Variants in RANBP17 observed in about 807,000 individuals in gnomAD.
RANBP17 encodes ran-binding protein 17.
Under a neutral mutation model 141.2 loss-of-function variants are expected in RANBP17, and 158 were observed. That is an observed-to-expected ratio of 1.12 (90% CI 0.98 to 1.28). RANBP17 has a LOEUF of 1.28. RANBP17 is among the 50% of genes most tolerant of loss of function. RANBP17 has a pLI of 0.00. For synonymous variants in RANBP17, 430 were observed against 450.0 expected (o/e 0.96, Z 0.56); for missense variants, 1,438 against 1,290.7 (o/e 1.11, Z -1.75).
At chr5:170,958,604 A>G (rs1432689322) in intron 13 of RANBP17, among the ~76,000 whole-genome samples, 1 of 152,188 alleles carries the variant, frequency 6.6e-6, no homozygotes, top group East Asian at 1.9e-4. Context: ...TGTTCCAAAT[A>G]ATTGGAACTA....
At chr5:170,898,301 A>G (rs953984184) in intron 5 of RANBP17, among the ~76,000 whole-genome samples, 3 of 151,976 alleles carry the variant, frequency 2.0e-5, no homozygotes, top group Non-Finnish European at 4.4e-5. Flanking sequence ...GCTTTTTTTC[A>G]TACGGTTGTT....
chr5:170,867,446 T>C (rs538757600), intron 1 of RANBP17, among the ~76,000 whole-genome samples: 1 of 152,222 alleles, frequency 6.6e-6, no homozygotes, highest in East Asian at 1.9e-4. Flanking sequence ...ATAAATATTA[T>C]CTATTTTATT....
chr5:170,992,315 T>A (rs1778561561), intron 14 of RANBP17, among the ~76,000 whole-genome samples: 2 of 152,022 alleles, frequency 1.3e-5, no homozygotes, highest in South Asian at 4.1e-4. Context: ...TAAAATAAAA[T>A]AATAATATTC....
In RANBP17 at chr5:170,919,593, C is replaced by T; in HGVS notation, c.1254C>T (p.Asp418=). ...ITKAFITSRL[D]SVAIVVRDHL... is the part of the protein sequence containing the mutation. ...AGGCCTTTATCACTTCTCGGTTGGACTCTGTTGCCATAGTTGTGAGGTATT... is the reference window on the plus strand; with the variant it reads ...AGGCCTTTATCACTTCTCGGTTGGATTCTGTTGCCATAGTTGTGAGGTATT... The change falls in exon 11 of 28, where the codon GAC becomes GAT. Residue 418 remains aspartate (D), a synonymous_variant. Transcript: ENST00000523189. The T allele has an allele frequency of 6.2e-7, 1 of 1,600,094 alleles. No individual in the cohort carries two copies. The highest frequency in any genetic ancestry group is 1.1e-5 in the South Asian group (1 of 88,246).
intron 14 of RANBP17, among the ~76,000 whole-genome samples, chr5:170,998,901 C>T (rs1779014145): frequency 6.6e-6 from 1 of 152,156 alleles, no homozygotes; most frequent in South Asian, 2.1e-4. Flanking sequence ...TAGATGATCA[C>T]ATTTTAGGAT....
At chr5:170,890,041 T>C (rs1055111236) in intron 3 of RANBP17, among the ~76,000 whole-genome samples, 1 of 152,180 alleles carries the variant, frequency 6.6e-6, no homozygotes, top group African/African-American at 2.4e-5. Context: ...GTACCTTTGT[T>C]TGGGCAATCT....
Position 171,003,742 on chromosome 5 carries a change from G to A in RANBP17, c.1710+35365G>A, listed in dbSNP as rs544062220. Among the ~76,000 whole-genome samples the A allele has an allele frequency of 1.1e-4, 17 of 152,298 alleles. 1 individual carries two copies. The South Asian group carries it at 3.5e-3, about 32-fold the overall frequency. ...AGAAAGAGCTTGGCTGAAGTAATGA[G>A]GGCTGTCCCTGAAGCCTTGCGGCAG... On this transcript the variant is annotated intron_variant, in intron 14 of 27. Transcript: ENST00000523189.
intron 5 of RANBP17, among the ~76,000 whole-genome samples, chr5:170,900,533 G>C (rs1482467237): frequency 6.6e-6 from 1 of 152,070 alleles, no homozygotes; most frequent in Admixed American, 6.5e-5. Flanking sequence ...TCTGATCATA[G>C]TTATTTCTTG....
intron 14 of RANBP17, among the ~76,000 whole-genome samples, chr5:170,983,574 A>T (rs1006860776): frequency 3.9e-5 from 6 of 152,228 alleles, no homozygotes; most frequent in Non-Finnish European, 8.8e-5. Flanking sequence ...AGAAGAATGA[A>T]TGAAAATAGT....
chr5:170,963,342 G>C (rs1428381025), intron 13 of RANBP17, among the ~76,000 whole-genome samples: 8 of 152,164 alleles, frequency 5.3e-5, no homozygotes, highest in Admixed American at 5.2e-4. Context: ...GTGTATCATA[G>C]AGGTAAATGT....
intron 16 of RANBP17, among the ~76,000 whole-genome samples, chr5:171,179,720 T>C (rs955090463): frequency 2.0e-5 from 3 of 152,190 alleles, no homozygotes; most frequent in Non-Finnish European, 4.4e-5. Flanking sequence ...ATTGATGGTA[T>C]TTTTAAGTAC....
intron 14 of RANBP17, among the ~76,000 whole-genome samples, chr5:171,149,273 C>T (rs1758304313): frequency 6.6e-6 from 1 of 152,206 alleles, no homozygotes; most frequent in African/African-American, 2.4e-5. Context: ...GAGCTATGCT[C>T]ATTTTTCATG....
intron 14 of RANBP17, among the ~76,000 whole-genome samples, chr5:170,993,758 T>G (rs912844129): frequency 6.6e-6 from 1 of 152,068 alleles, no homozygotes; most frequent in Admixed American, 6.6e-5. Context: ...CAATATACAC[T>G]GTTTTTAGAG....
intron 14 of RANBP17, 63 bp from the exon 15 acceptor site, chr5:171,170,067 G>A: frequency 5.7e-6 from 5 of 872,828 alleles, no homozygotes; most frequent in African/African-American, 1.8e-5. Flanking sequence ...TGTTCAATTC[G>A]AATAGTCTTT....
At chr5:171,007,689 C>G (rs181925951) in intron 14 of RANBP17, among the ~76,000 whole-genome samples, 2 of 151,962 alleles carry the variant, frequency 1.3e-5, no homozygotes, top group Non-Finnish European at 2.9e-5. Context: ...ATCTAGGTCT[C>G]GTAGGATGGA....
At chr5:171,143,495 C>T (rs1404047634) in intron 14 of RANBP17, 1 of 152,116 alleles carries the variant, frequency 6.6e-6, no homozygotes, top group East Asian at 1.9e-4. Flanking sequence ...AGAAATGGTT[C>T]CACATCTTTA....
chr5:171,206,407 C>T (rs988860184), intron 20 of RANBP17: 7 of 153,372 alleles, frequency 4.6e-5, no homozygotes, highest in African/African-American at 9.6e-5. Context: ...TGTAAATGGT[C>T]GTTAATATTG....
intron 14 of RANBP17, among the ~76,000 whole-genome samples, chr5:171,039,572 C>T (rs1175696935): frequency 6.6e-6 from 1 of 151,930 alleles, no homozygotes; most frequent in African/African-American, 2.4e-5. Flanking sequence ...TGTGTAGAAA[C>T]TCTTTAATTA....
intron 24 of RANBP17, among the ~76,000 whole-genome samples, chr5:171,245,813 A>G (rs1036949952): frequency 1.3e-5 from 2 of 151,718 alleles, no homozygotes; most frequent in Non-Finnish European, 2.9e-5. Flanking sequence ...TGTAATCTTC[A>G]GGAATTATTT....
Sources: allele counts gnomAD v4.1 joint callset (sites outside exome capture counted in the v4.1 genomes callset), GRCh38; gene constraint gnomAD v4.1.1; transcripts MANE v1.5; gene names NCBI Gene and HGNC (gene_info 2026-07-23, HGNC 2026-07-21).